The following STK38 variants were observed in gnomAD, a reference collection of about 807,000 sequenced individuals.
The protein encoded by STK38 is serine/threonine kinase 38.
A neutral mutation model predicts 59.0 loss-of-function variants in STK38; 26 were observed. That is an observed-to-expected ratio of 0.44 (90% confidence interval 0.32 to 0.61). STK38 has a LOEUF of 0.61. Ranked by LOEUF, STK38 falls within the 20% of genes least tolerant of loss-of-function variation. STK38 has a pLI of 0.04. For synonymous variants in STK38, 175 were observed against 176.6 expected, an observed-to-expected ratio of 0.99 and a Z score of 0.07; for missense variants, 433 against 566.0, an observed-to-expected ratio of 0.76 and a Z score of 2.38.
At chr6:36,534,430 C>T (rs1464348470) in intron 2 of STK38, among the ~76,000 whole-genome samples, 1 of 152,030 alleles carries the variant, frequency 6.6e-6, no homozygotes, top group Non-Finnish European at 1.5e-5. Flanking sequence ...AGGAGGACTG[C>T]CTGAGGCCAA....
chr6:36,506,577 ACTT>A lies in STK38; in HGVS notation c.834+3_834+5del. On this transcript the variant is annotated splice_donor_5th_base_variant and intron_variant, in intron 9 of 13. Coordinates refer to ENST00000229812, the MANE Select transcript of STK38 (RefSeq NM_007271.4). ...TAGCATTTCAGAAGCCACAGATATTACTTACTAGCTGACGTCTATTTCTTTTCC... is the reference window on the plus strand; with the variant it reads ...TAGCATTTCAGAAGCCACAGATATTAACTAGCTGACGTCTATTTCTTTTCC... 1 of 1,612,408 alleles carries A rather than the reference ACTT, an allele frequency of 6.2e-7. No homozygotes were observed. The highest frequency in any genetic ancestry group is 8.5e-7 in the Non-Finnish European group (1 of 1,179,572).
chr6:36,510,692 CCTT>C (rs1777088310), intron 7 of STK38, among the ~76,000 whole-genome samples: 1 of 152,228 alleles, frequency 6.6e-6, no homozygotes, highest in African/African-American at 2.4e-5. Context: ...AAAACACACA[CCTT>C]CTATGAGTCA....
chr6:36,543,710 C>T (rs932160829), intron 1 of STK38, among the ~76,000 whole-genome samples: 5 of 152,154 alleles, frequency 3.3e-5, no homozygotes, highest in African/African-American at 9.7e-5. Context: ...GGCACAATCT[C>T]GGTGCACTGC....
At chr6:36,511,762 A>G (rs1373022271) in intron 7 of STK38, among the ~76,000 whole-genome samples, 1 of 152,028 alleles carries the variant, frequency 6.6e-6, no homozygotes, top group African/African-American at 2.4e-5. Flanking sequence ...GAAAGGACTA[A>G]GAAAAACTGT....
At chr6:36,543,532 C>T (rs1212386293) in intron 1 of STK38, among the ~76,000 whole-genome samples, 1 of 152,060 alleles carries the variant, frequency 6.6e-6, no homozygotes, top group Non-Finnish European at 1.5e-5. Context: ...ATCATTTGAG[C>T]CCAGGAGTTC....
intron 9 of STK38, among the ~76,000 whole-genome samples, chr6:36,501,486 A>G (rs1776837762): frequency 6.6e-6 from 1 of 152,070 alleles, no homozygotes; most frequent in African/African-American, 2.4e-5. Context: ...AACAGACAAT[A>G]CAATACAGAC....
intron 6 of STK38, 120 bp from the exon 7 acceptor site, chr6:36,515,612 C>G: frequency 6.6e-7 from 1 of 1,526,264 alleles, no homozygotes; most frequent in Non-Finnish European, 8.7e-7. Context: ...CAAAATAAGG[C>G]GGCTAAACAG....
chr6:36,543,209 C>A (rs1434460554), intron 1 of STK38, among the ~76,000 whole-genome samples: 3 of 151,000 alleles, frequency 2.0e-5, no homozygotes, highest in African/African-American at 7.3e-5. Flanking sequence ...GGACTACAGG[C>A]ACCCGCCACC....
chr6:36,497,865 C>T lies in STK38; in HGVS notation c.1087G>A (p.Glu363Lys), dbSNP rs1285547385. ...AKDLILRFCC[E>K]WEHRIGAPGV... ...GGAGCTCCAATTCTATGTTCCCATTCACAGCAGAACCTGGAAAAGACAGAG... is the reference window on the plus strand; with the variant it reads ...GGAGCTCCAATTCTATGTTCCCATTTACAGCAGAACCTGGAAAAGACAGAG... Residue 363 changes from glutamate to lysine, a missense_variant, in exon 12 of 14, where the codon GAA becomes AAA. Glu to Lys is a moderately conservative substitution (Grantham distance 56). This residue lies in a region of STK38 where 136 missense variants were observed against 156.7 expected (regional missense o/e 0.87). Transcript: ENST00000229812. The T allele has an allele frequency of 6.2e-7, 1 of 1,611,264 alleles. No homozygotes were observed. Among genetic ancestry groups the T allele is most frequent in the East Asian group, 2.2e-5 (1 of 44,884 alleles).
intron 2 of STK38, among the ~76,000 whole-genome samples, chr6:36,529,418 G>A (rs1327632899): frequency 1.3e-5 from 2 of 152,100 alleles, no homozygotes; most frequent in Non-Finnish European, 2.9e-5. Flanking sequence ...AAGAATAGCA[G>A]GACTCTCCAC....
chr6:36,503,244 G>T (rs1210227345), intron 9 of STK38, among the ~76,000 whole-genome samples: 1 of 151,908 alleles, frequency 6.6e-6, no homozygotes, highest in Non-Finnish European at 1.5e-5. Flanking sequence ...TTTCCTTAAA[G>T]TAATAAAATA....
At chr6:36,511,974 G>A (rs1224335425) in intron 7 of STK38, among the ~76,000 whole-genome samples, 1 of 152,070 alleles carries the variant, frequency 6.6e-6, no homozygotes, top group Non-Finnish European at 1.5e-5. Flanking sequence ...CAGGAGAATT[G>A]CTTGAAACTG....
rs571749737 is a variant in STK38, at chr6:36,537,587, G to A, written c.131+2485C>T. 1.7e-4 allele frequency among the ~76,000 whole-genome samples: 26 copies of A among 152,238 alleles called. No homozygotes were observed. The South Asian group carries it at 5.4e-3, about 32-fold the overall frequency. ...AAGGAACAAATTATTGATGCATATA[G>A]CAACACAGAGGAACCTCAAAAATAT... On this transcript the variant is annotated intron_variant, in intron 2 of 13. Transcript: ENST00000229812.
At chr6:36,525,946 C>T (rs1777500109) in intron 2 of STK38, among the ~76,000 whole-genome samples, 1 of 152,108 alleles carries the variant, frequency 6.6e-6, no homozygotes, top group South Asian at 2.1e-4. Context: ...CTCCACCTCA[C>T]AGGCTCAAGC....
chr6:36,517,383 C>G (rs151149639), intron 6 of STK38, among the ~76,000 whole-genome samples: 41 of 152,246 alleles, frequency 2.7e-4, no homozygotes, highest in African/African-American at 7.9e-4. Context: ...TCAATGTTGT[C>G]ACTTGGGTTA....
intron 7 of STK38, among the ~76,000 whole-genome samples, chr6:36,509,786 C>T (rs918402270): frequency 2.6e-5 from 4 of 152,274 alleles, no homozygotes; most frequent in Middle Eastern, 3.4e-3. Flanking sequence ...ATATCTGTGT[C>T]GGAGTCCATT....
At chr6:36,517,171 T>G (rs539756891) in intron 6 of STK38, among the ~76,000 whole-genome samples, 4 of 152,294 alleles carry the variant, frequency 2.6e-5, no homozygotes, top group African/African-American at 9.6e-5. Context: ...AACAGACTGC[T>G]TTCCTCAGAA....
chr6:36,501,703 G>A (rs1285672198), intron 9 of STK38, among the ~76,000 whole-genome samples: 1 of 152,092 alleles, frequency 6.6e-6, no homozygotes, highest in Non-Finnish European at 1.5e-5. Flanking sequence ...GGGATTACAG[G>A]AGTGAGCCAC....
At chr6:36,497,294 A>T (rs1018892901) in intron 12 of STK38, among the ~76,000 whole-genome samples, 3 of 152,240 alleles carry the variant, frequency 2.0e-5, no homozygotes, top group Admixed American at 2.0e-4. Context: ...GAAGGTCTGG[A>T]CTACAGCAGG....
Sources: allele counts gnomAD v4.1 joint callset (sites outside exome capture counted in the v4.1 genomes callset), GRCh38; gene constraint gnomAD v4.1.1; regional missense constraint gnomAD v4.1.1; transcripts MANE v1.5; gene names NCBI Gene and HGNC (gene_info 2026-07-23, HGNC 2026-07-21).